QSOX1: variants seen among roughly 807,000 people sequenced by gnomAD.
The protein encoded by QSOX1 is sulfhydryl oxidase 1.
Under a neutral mutation model 76.1 loss-of-function variants are expected in QSOX1, and 40 were observed. The observed-to-expected ratio is 0.53, with a 90% CI of 0.41 to 0.68. The LOEUF (loss-of-function observed/expected upper bound fraction) is 0.68. Among genes scored for constraint, QSOX1 ranks in the 30% least tolerant of loss-of-function variants. QSOX1 has a pLI of 0.00. For synonymous variants in QSOX1, 392 were observed against 413.1 expected, an observed-to-expected ratio of 0.95 and a Z score of 0.62; for missense variants, 931 against 974.3, an observed-to-expected ratio of 0.96 and a Z score of 0.59.
chr1:180,182,128 C>T (rs776689661), intron 5 of QSOX1, 46 bp from the exon 6 acceptor site: 2 of 1,605,904 alleles, frequency 1.2e-6, no homozygotes, highest in South Asian at 1.1e-5. Context: ...GCCCTGGCTC[C>T]CTCCACCCGG....
chr1:180,196,601 CA>C lies in QSOX1; in HGVS notation c.1810del (p.Ser604ValfsTer39). On this transcript the variant is annotated frameshift_variant, in exon 12 of 12. Transcript: ENST00000367602. LOFTEE classifies it high-confidence loss of function. This position sits in a 1 kb window ranked among gnomAD's most constrained non-coding sequence, Gnocchi z 4.1. ...CATGTGCCGGCTGAGGGACCTGAGG[CA>C]AGTCGACCCCCGAAGCTGCACCCTG... Reference protein sequence around the residue: ...TPHVPAEGPEASRPPKLHPGL... With the variant: ...TPHVPAEGPEXSRPPKLHPGL... 1 of 1,614,164 alleles carries C rather than the reference CA, an allele frequency of 6.2e-7. No homozygotes were observed. The highest frequency in any genetic ancestry group is 8.5e-7 in the Non-Finnish European group (1 of 1,180,034).
At chr1:180,162,505 G>T (rs10913934) in intron 1 of QSOX1, among the ~76,000 whole-genome samples, 71,513 of 152,060 alleles carry the variant, frequency 0.47, 19,466 homozygotes, top group Non-Finnish European at 0.6. Context: ...GGAGGCCGAG[G>T]CAGGAGGATA....
chr1:180,158,262 A>G (rs1662415510), intron 1 of QSOX1, among the ~76,000 whole-genome samples: 1 of 152,182 alleles, frequency 6.6e-6, no homozygotes, highest in African/African-American at 2.4e-5. Context: ...GTGCCGAGCT[A>G]TGGAGGTGAG....
Position 180,196,678 on chromosome 1 carries a change from C to A in QSOX1, c.1885C>A (p.Gln629Lys). The A allele has an allele frequency of 6.2e-7, 1 of 1,614,104 alleles. No individual in the cohort carries two copies. Among genetic ancestry groups the A allele is most frequent in the South Asian group, 1.1e-5 (1 of 91,086 alleles). The part of the protein sequence containing the change: ...QEPPEHMAEL[Q>K]RNEQEQPLGQ... ...GCCTCCTGAGCACATGGCAGAGCTT[C>A]AGAGGAATGAGCAGGAGCAGCCGCT... Residue 629 changes from glutamine to lysine, a missense_variant, in exon 12 of 12, where the codon CAG becomes AAG. Transcript: ENST00000367602. This position sits in a 1 kb window ranked among gnomAD's most constrained non-coding sequence, Gnocchi z 4.1.
At chr1:180,178,229 C>T (rs1044693335) in intron 4 of QSOX1, among the ~76,000 whole-genome samples, 3 of 152,280 alleles carry the variant, frequency 2.0e-5, no homozygotes, top group Middle Eastern at 3.4e-3. Flanking sequence ...CCACTTCCGA[C>T]TCTTTTTGTT....
chr1:180,197,489 C>G lies in QSOX1; in HGVS notation c.*452C>G. 1 of 1,251,514 alleles carries G rather than the reference C, an allele frequency of 8.0e-7. No homozygotes were observed. Among genetic ancestry groups the G allele is most frequent in the Non-Finnish European group, 1.1e-6 (1 of 882,980 alleles). The allele number at this position is 1,251,514 out of a possible 1,614,324, so 77.5% of individuals were successfully genotyped here. The stretch of plus-strand genomic sequence containing the variant: ...CTGCTGGGGCTCCGCCCACCCTGCT[C>G]CCTTCCGGACAATGAAGAAGCCTTT... On this transcript the variant is annotated 3_prime_UTR_variant, in exon 12 of 12. Coordinates refer to ENST00000367602, the MANE Select transcript of QSOX1 (RefSeq NM_002826.5).
At position 180,202,716 on chromosome 1, in the gene QSOX1, C is replaced by T. The variant is rs1663660054; in HGVS notation, c.*5679C>T. ...AGGGGAAATATAATTGAATACTTCACTGTTTTTGAAAGCATGAAAACAATG... is the reference window on the plus strand; with the variant it reads ...AGGGGAAATATAATTGAATACTTCATTGTTTTTGAAAGCATGAAAACAATG... On this transcript the variant is annotated 3_prime_UTR_variant, in exon 12 of 12. Coordinates refer to ENST00000367602, the MANE Select transcript of QSOX1 (RefSeq NM_002826.5). 6.7e-6 allele frequency: 1 copy of T among 148,372 alleles called. No individual in the cohort carries two copies. Among genetic ancestry groups the T allele is most frequent in the Admixed American group, 6.8e-5 (1 of 14,810 alleles). 9.2% of individuals were successfully genotyped at this position (148,372 alleles called of 1,614,324 possible).
In QSOX1 at chr1:180,197,632, C is replaced by G. The variant is rs541568341; in HGVS notation, c.*595C>G. On this transcript the variant is annotated 3_prime_UTR_variant, in exon 12 of 12. Transcript: ENST00000367602. ...GGTTTGGAAGCTTCTGGAAGTCGTG[C>G]TGGTCTCCCAGGTGAGGCAAGCCAT... 8.2e-6 allele frequency: 4 copies of G among 488,870 alleles called. No individual in the cohort carries two copies. The highest frequency in any genetic ancestry group is 5.5e-4 in the Middle Eastern group (1 of 1,802). The allele number at this position is 488,870 out of a possible 1,614,324, so 30.3% of individuals were successfully genotyped here.
chr1:180,173,435 T>TA (rs1280681951), intron 2 of QSOX1, among the ~76,000 whole-genome samples: 4 of 152,242 alleles, frequency 2.6e-5, no homozygotes, highest in African/African-American at 7.2e-5. Context: ...AATAGGCCAA[T>TA]AAAATTAAAT....
rs1348701778 is a variant in QSOX1, at chr1:180,184,187, C to T, written c.887+137C>T. ...GTGTACATTCTGAGCCAGGCTGTCC[C>T]CCACCCTGGGGTCTGGCCATGCTCA... On this transcript the variant is annotated intron_variant, in intron 7 of 11. Coordinates refer to ENST00000367602, the MANE Select transcript of QSOX1 (RefSeq NM_002826.5). 4 of 1,209,752 alleles carry T rather than the reference C, an allele frequency of 3.3e-6. 1 individual carries two copies. In the African/African-American group the frequency reaches 6.0e-5, roughly 18 times the overall value. The allele number at this position is 1,209,752 out of a possible 1,614,324, so 74.9% of individuals were successfully genotyped here. A position where few individuals can be genotyped will look rare whatever the true frequency, so the allele number is the denominator to read the frequency against.
In QSOX1 at chr1:180,182,276, T is replaced by A. The variant is rs745609786; in HGVS notation, c.709T>A (p.Cys237Ser). ...RKFGVTDFPS[C>S]YLLFRNGSVS... ...GTTTGGTGTCACCGACTTCCCCTCT[T>A]GCTACCTGCTGTTCCGGAATGGCTC... The change falls in exon 6 of 12, where the codon TGC becomes AGC. Residue 237 changes from cysteine to serine, a missense_variant. Cys to Ser is a moderately radical substitution (Grantham distance 112, BLOSUM62 -1). Coordinates refer to ENST00000367602, the MANE Select transcript of QSOX1 (RefSeq NM_002826.5). 1 of 1,614,240 alleles carries A rather than the reference T, an allele frequency of 6.2e-7. No individual in the cohort carries two copies. The highest frequency in any genetic ancestry group is 1.1e-5 in the South Asian group (1 of 91,086).
intron 1 of QSOX1, among the ~76,000 whole-genome samples, chr1:180,164,801 T>C (rs140319016): frequency 6.6e-6 from 1 of 152,272 alleles, no homozygotes; most frequent in East Asian, 1.9e-4. Flanking sequence ...CTAGGTAATT[T>C]ATAAAGAAAA....
Position 180,193,953 on chromosome 1 carries a change from G to A in QSOX1, c.1289-260G>A, listed in dbSNP as rs940640926. Among the ~76,000 whole-genome samples the A allele has an allele frequency of 5.4e-4, 82 of 152,160 alleles. 2 individuals carry two copies. The highest frequency in any genetic ancestry group is 1.0e-4 in the Non-Finnish European group (7 of 68,014). The stretch of plus-strand genomic sequence containing the variant: ...TGTGGACTTTGTCCTGGGTGTGAGT[G>A]ACAGGCACCCAGGTTAGTGGCAGGG... On this transcript the variant is annotated intron_variant, in intron 10 of 11. Transcript: ENST00000367602.
At chr1:180,170,489 C>G (rs947751369) in intron 2 of QSOX1, among the ~76,000 whole-genome samples, 1 of 152,088 alleles carries the variant, frequency 6.6e-6, no homozygotes, top group Non-Finnish European at 1.5e-5. Flanking sequence ...CTCTTTTGGC[C>G]CCAAGATAGC....
At chr1:180,177,935 G>T (rs1454824140) in intron 4 of QSOX1, among the ~76,000 whole-genome samples, 1 of 152,172 alleles carries the variant, frequency 6.6e-6, no homozygotes, top group Non-Finnish European at 1.5e-5. Context: ...TTAAAATAAG[G>T]AGATTGGGTT....
At chr1:180,172,284 A>G (rs1425302713) in intron 2 of QSOX1, among the ~76,000 whole-genome samples, 1 of 152,208 alleles carries the variant, frequency 6.6e-6, no homozygotes, top group Non-Finnish European at 1.5e-5. Context: ...AAGTTCCTGA[A>G]GAGCGTGAGG....
chr1:180,186,012 T>G, intron 7 of QSOX1, 41 bp from the exon 8 acceptor site: 2 of 1,608,826 alleles, frequency 1.2e-6, no homozygotes, highest in Non-Finnish European at 1.7e-6. Context: ...TGCACCATGG[T>G]TAATACTTCT....
rs188551385 is a variant in QSOX1 at position 180,197,655 on chromosome 1, C to G, written c.*618C>G. 409 of 445,430 alleles carry G rather than the reference C, an allele frequency of 9.2e-4. 2 individuals are homozygous for G. Among genetic ancestry groups the G allele is most frequent in the African/African-American group, 7.5e-3 (378 of 50,452 alleles). 27.6% of individuals were successfully genotyped at this position (445,430 alleles called of 1,614,324 possible). A position where few individuals can be genotyped will look rare whatever the true frequency, so the allele number is the denominator to read the frequency against. ...TGCTGGTCTCCCAGGTGAGGCAAGCCATGGTTGCTGGGCTGTAGGGTGAGT... is the reference window on the plus strand; with the variant it reads ...TGCTGGTCTCCCAGGTGAGGCAAGCGATGGTTGCTGGGCTGTAGGGTGAGT... On this transcript the variant is annotated 3_prime_UTR_variant, in exon 12 of 12. Coordinates refer to ENST00000367602, the MANE Select transcript of QSOX1 (RefSeq NM_002826.5).
chr1:180,189,027 G>A (rs1572052899), intron 8 of QSOX1, among the ~76,000 whole-genome samples: 1 of 152,234 alleles, frequency 6.6e-6, no homozygotes, highest in African/African-American at 2.4e-5. Context: ...CTGGATCTTG[G>A]CTGTGAGCCC....
Sources: allele counts gnomAD v4.1 joint callset (sites outside exome capture counted in the v4.1 genomes callset), GRCh38; gene constraint gnomAD v4.1.1; non-coding constraint Gnocchi (gnomAD v3.1); transcripts MANE v1.5; gene names NCBI Gene and HGNC (gene_info 2026-07-23, HGNC 2026-07-21).